The following PPM1L variants were observed in gnomAD, a reference collection of about 807,000 sequenced individuals.
PPM1L encodes the protein protein phosphatase, Mg2+/Mn2+ dependent 1L.
Under a neutral mutation model 31.4 loss-of-function variants are expected in PPM1L, and 13 were observed. The observed-to-expected ratio is 0.41, with a 90% CI of 0.27 to 0.66. PPM1L has a LOEUF of 0.66. PPM1L is among the 30% of genes least tolerant of loss of function. The pLI is 0.29. For missense variants in PPM1L, 326 were observed against 453.7 expected, an observed-to-expected ratio of 0.72 and a Z score of 2.56; for synonymous variants, 184 against 175.4, an observed-to-expected ratio of 1.05 and a Z score of -0.39.
intron 1 of PPM1L, among the ~76,000 whole-genome samples, chr3:160,912,764 A>G (rs2108064055): frequency 6.6e-6 from 1 of 152,204 alleles, no homozygotes; most frequent in Admixed American, 6.5e-5. Flanking sequence ...TTAAGAAATT[A>G]TGAAGTTTAG....
At chr3:160,941,666 CTT>C (rs2108087787) in intron 1 of PPM1L, among the ~76,000 whole-genome samples, 1 of 152,226 alleles carries the variant, frequency 6.6e-6, no homozygotes, top group Admixed American at 6.5e-5. Context: ...AATTAAGACT[CTT>C]TTTCTTCCCA....
At chr3:160,959,180 T>C (rs1715874966) in intron 1 of PPM1L, among the ~76,000 whole-genome samples, 1 of 152,194 alleles carries the variant, frequency 6.6e-6, no homozygotes, top group Non-Finnish European at 1.5e-5. Flanking sequence ...CGTTGTTCTA[T>C]GTGAAGTAAC....
intron 1 of PPM1L, among the ~76,000 whole-genome samples, chr3:160,935,239 T>C (rs761432035): frequency 1.1e-4 from 17 of 152,182 alleles, no homozygotes; most frequent in Non-Finnish European, 2.5e-4. Flanking sequence ...ATAACTCCTG[T>C]TAACTTTATA....
chr3:161,062,348 A>G (rs1025336985), intron 2 of PPM1L, among the ~76,000 whole-genome samples: 1 of 152,156 alleles, frequency 6.6e-6, no homozygotes, highest in Non-Finnish European at 1.5e-5. Flanking sequence ...CACACCTGTA[A>G]TCCCAGCACT....
chr3:160,884,585 C>T (rs1188286604), intron 1 of PPM1L, among the ~76,000 whole-genome samples: 1 of 152,106 alleles, frequency 6.6e-6, no homozygotes, highest in Admixed American at 6.6e-5. Flanking sequence ...CGCTTTGACA[C>T]CATTACGAAG....
At chr3:161,019,830 A>G (rs1254818496) in intron 2 of PPM1L, among the ~76,000 whole-genome samples, 3 of 152,194 alleles carry the variant, frequency 2.0e-5, no homozygotes, top group African/African-American at 7.2e-5. Flanking sequence ...GAAGCTAACT[A>G]TAAAATGTTG....
chr3:160,892,274 G>A (rs971321563), intron 1 of PPM1L, among the ~76,000 whole-genome samples: 10 of 152,142 alleles, frequency 6.6e-5, no homozygotes, highest in East Asian at 1.9e-4. Flanking sequence ...GCTTTTATTC[G>A]TGGCAAAAGG....
intron 1 of PPM1L, among the ~76,000 whole-genome samples, chr3:160,912,874 G>C (rs994955574): frequency 1.3e-5 from 2 of 152,152 alleles, no homozygotes; most frequent in African/African-American, 4.8e-5. Context: ...AGTGAAGAAA[G>C]GGGGAGACTT....
At chr3:160,997,070 A>C (rs1214158282) in intron 2 of PPM1L, among the ~76,000 whole-genome samples, 1 of 152,154 alleles carries the variant, frequency 6.6e-6, no homozygotes, top group Admixed American at 6.6e-5. Flanking sequence ...GAATTATTGG[A>C]GTCCAAATAC....
At chr3:161,012,357 A>G (rs924970319) in intron 2 of PPM1L, among the ~76,000 whole-genome samples, 39 of 152,152 alleles carry the variant, frequency 2.6e-4, no homozygotes, top group Non-Finnish European at 2.5e-4. Context: ...CTTGCATCCC[A>G]GGGATGAAGC....
At chr3:161,018,269 G>A (rs1393952533) in intron 2 of PPM1L, among the ~76,000 whole-genome samples, 1 of 152,032 alleles carries the variant, frequency 6.6e-6, no homozygotes, top group Non-Finnish European at 1.5e-5. Flanking sequence ...AGACCATAAC[G>A]CATCAATTTT....
intron 1 of PPM1L, among the ~76,000 whole-genome samples, chr3:160,858,584 T>C (rs919472330): frequency 1.3e-5 from 2 of 152,200 alleles, no homozygotes; most frequent in African/African-American, 4.8e-5. Flanking sequence ...GTTTTTATAA[T>C]GAATGGGACT....
intron 2 of PPM1L, among the ~76,000 whole-genome samples, chr3:161,003,560 T>C (rs1717584507): frequency 6.6e-6 from 1 of 151,924 alleles, no homozygotes; most frequent in South Asian, 2.1e-4. Flanking sequence ...TTCACATCCC[T>C]TGTAAGTTGG....
intron 1 of PPM1L, among the ~76,000 whole-genome samples, chr3:160,958,524 G>T (rs1401650041): frequency 6.6e-6 from 1 of 152,184 alleles, no homozygotes; most frequent in East Asian, 1.9e-4. Context: ...ACAAGGTAGT[G>T]TGAGTTTAAA....
intron 2 of PPM1L, among the ~76,000 whole-genome samples, chr3:161,057,741 CCT>C (rs1435171015): frequency 6.6e-6 from 1 of 152,002 alleles, no homozygotes; most frequent in Non-Finnish European, 1.5e-5. Context: ...ACTGCTTTCC[CCT>C]GAGCACGTGT....
intron 1 of PPM1L, among the ~76,000 whole-genome samples, chr3:160,919,049 T>C (rs1714293487): frequency 6.6e-6 from 1 of 152,210 alleles, no homozygotes; most frequent in Admixed American, 6.5e-5. Flanking sequence ...GTGAAAAAGC[T>C]CGTGAAATCT....
chr3:160,941,679 G>T (rs1199689579), intron 1 of PPM1L, among the ~76,000 whole-genome samples: 1 of 152,068 alleles, frequency 6.6e-6, no homozygotes, highest in African/African-American at 2.4e-5. Context: ...TTTCTTCCCA[G>T]TCTCGGGTAT....
At chr3:160,775,465 C>G (rs1711540831) in intron 1 of PPM1L, among the ~76,000 whole-genome samples, 1 of 152,212 alleles carries the variant, frequency 6.6e-6, no homozygotes, top group South Asian at 2.1e-4. Context: ...CTTATTACCC[C>G]TCACAGCTCC....
intron 1 of PPM1L, among the ~76,000 whole-genome samples, chr3:160,943,730 C>G (rs1228787068): frequency 1.3e-5 from 2 of 152,154 alleles, no homozygotes; most frequent in African/African-American, 2.4e-5. Flanking sequence ...GGCCAGCCAC[C>G]TGTCTTCTGA....
Sources: gnomAD v4.1 joint callset for allele counts (sites outside exome capture counted in the v4.1 genomes callset) on GRCh38, gnomAD v4.1.1 for gene constraint, MANE v1.5 for transcripts, NCBI Gene and HGNC (gene_info 2026-07-23, HGNC 2026-07-21) for gene names.